The following PIP4K2A variants were observed in gnomAD, a reference collection of about 807,000 sequenced individuals.
The protein encoded by PIP4K2A is phosphatidylinositol 5-phosphate 4-kinase type-2 alpha.
PIP4K2A carries 14 observed loss-of-function variants against 42.9 expected under a neutral mutation model. The observed-to-expected ratio is 0.33, with a 90% CI of 0.22 to 0.51. PIP4K2A has a LOEUF of 0.51. Among genes scored for constraint, PIP4K2A ranks in the 20% least tolerant of loss-of-function variants. The probability of loss-of-function intolerance (pLI) is 0.97; values close to 1 mark genes in which losing one functional copy is unlikely to be tolerated. For synonymous variants in PIP4K2A, 192 were observed against 192.2 expected (o/e 1.00, Z 0.01); for missense variants, 434 against 519.8 (o/e 0.83, Z 1.61).
chr10:22,682,240 C>G (rs911362231), intron 1 of PIP4K2A, among the ~76,000 whole-genome samples: 10 of 152,336 alleles, frequency 6.6e-5, no homozygotes, highest in Admixed American at 2.0e-4. Flanking sequence ...TCAAACTGTT[C>G]TACTTAAGAG....
intron 1 of PIP4K2A, among the ~76,000 whole-genome samples, chr10:22,680,851 G>A (rs1839645812): frequency 6.6e-6 from 1 of 152,168 alleles, no homozygotes; most frequent in South Asian, 2.1e-4. Context: ...TGAAAACACT[G>A]AAAAAGTTGT....
At chr10:22,645,016 T>C (rs539483832) in intron 1 of PIP4K2A, among the ~76,000 whole-genome samples, 1 of 152,184 alleles carries the variant, frequency 6.6e-6, no homozygotes, top group Non-Finnish European at 1.5e-5. Flanking sequence ...CTTCCCCCTA[T>C]GCTGGGGACT....
intron 6 of PIP4K2A, among the ~76,000 whole-genome samples, chr10:22,551,542 T>C (rs1399288219): frequency 1.3e-5 from 2 of 152,244 alleles, no homozygotes; most frequent in Non-Finnish European, 2.9e-5. Context: ...GTAGCTTGTA[T>C]TGCAGCAAAC....
intron 4 of PIP4K2A, among the ~76,000 whole-genome samples, chr10:22,587,446 T>A (rs948415436): frequency 6.6e-6 from 1 of 152,196 alleles, no homozygotes; most frequent in Admixed American, 6.5e-5. Flanking sequence ...GAAATGATGA[T>A]CACTACTGAA....
Position 22,564,439 on chromosome 10 carries a change from C to T in PIP4K2A, c.678+3412G>A, listed in dbSNP as rs117705078. Among the ~76,000 whole-genome samples the T allele has an allele frequency of 6.2e-3, 946 of 152,302 alleles. 4 individuals carry two copies. The highest frequency in any genetic ancestry group is 0.012 in the Non-Finnish European group (787 of 68,016). ...TTGGAAGAAAGTAAAAACAGACCCACCAACATGGGGCATCATGTGACTCAG... is the reference window on the plus strand; with the variant it reads ...TTGGAAGAAAGTAAAAACAGACCCATCAACATGGGGCATCATGTGACTCAG... On this transcript the variant is annotated intron_variant, in intron 6 of 9. Coordinates refer to ENST00000376573, the MANE Select transcript of PIP4K2A (RefSeq NM_005028.5).
At chr10:22,622,137 T>C (rs184278342) in intron 1 of PIP4K2A, among the ~76,000 whole-genome samples, 97 of 152,094 alleles carry the variant, frequency 6.4e-4, no homozygotes, top group African/African-American at 2.2e-3. Flanking sequence ...GAGCAGACAA[T>C]AGAAAACGAG....
intron 6 of PIP4K2A, 71 bp downstream of exon 6, chr10:22,567,780 A>G (rs760527638): frequency 2.3e-6 from 3 of 1,288,080 alleles, no homozygotes; most frequent in Non-Finnish European, 3.4e-6. Flanking sequence ...ACTAGAAATA[A>G]AGAGTAAAGG....
intron 4 of PIP4K2A, among the ~76,000 whole-genome samples, chr10:22,578,268 G>C (rs1369814479): frequency 6.6e-6 from 1 of 152,160 alleles, no homozygotes; most frequent in Non-Finnish European, 1.5e-5. Context: ...TGGCAGAGCT[G>C]TCTACGCTTA....
chr10:22,598,058 T>C (rs1003407817), intron 3 of PIP4K2A, among the ~76,000 whole-genome samples: 2 of 152,174 alleles, frequency 1.3e-5, no homozygotes, highest in African/African-American at 4.8e-5. Context: ...AGTGACATTA[T>C]TTAAATTCAA....
At chr10:22,690,548 C>G (rs190431396) in intron 1 of PIP4K2A, among the ~76,000 whole-genome samples, 1 of 150,584 alleles carries the variant, frequency 6.6e-6, no homozygotes. Context: ...GTAACAAAAA[C>G]CCAACATATC....
At chr10:22,696,924 C>T (rs1013349027) in intron 1 of PIP4K2A, among the ~76,000 whole-genome samples, 15 of 152,038 alleles carry the variant, frequency 9.9e-5, no homozygotes, top group Non-Finnish European at 2.2e-4. Flanking sequence ...AATTTTAAAG[C>T]CTGAATTCAT....
intron 1 of PIP4K2A, among the ~76,000 whole-genome samples, chr10:22,712,198 G>C (rs186370950): frequency 6.6e-6 from 1 of 152,304 alleles, no homozygotes; most frequent in Admixed American, 6.5e-5. Context: ...AAACACTTAA[G>C]TAGTTTCAAA....
intron 1 of PIP4K2A, among the ~76,000 whole-genome samples, chr10:22,670,846 T>G (rs962108010): frequency 2.0e-5 from 3 of 152,164 alleles, no homozygotes; most frequent in Non-Finnish European, 4.4e-5. Context: ...TAGCTTTTTT[T>G]AAAAAACGGC....
At position 22,697,607 on chromosome 10, in the gene PIP4K2A, C is replaced by G. The variant is rs184739083; in HGVS notation, c.144+16576G>C. Among the ~76,000 whole-genome samples, 374 of 152,202 alleles carry G rather than the reference C, an allele frequency of 2.5e-3. 2 individuals are homozygous for G. The highest frequency in any genetic ancestry group is 8.0e-3 in the African/African-American group (334 of 41,534). On this transcript the variant is annotated intron_variant, in intron 1 of 9. Transcript: ENST00000376573. ...GGGTATGGTGGCACACAACTATAGTCCCAGCTATTACAGGAGGCTGAAGCA... is the reference window on the plus strand; with the variant it reads ...GGGTATGGTGGCACACAACTATAGTGCCAGCTATTACAGGAGGCTGAAGCA...
intron 9 of PIP4K2A, among the ~76,000 whole-genome samples, chr10:22,538,482 A>G (rs9783154): frequency 9.2e-5 from 14 of 152,090 alleles, no homozygotes; most frequent in Admixed American, 9.2e-4. Flanking sequence ...AAACCCCATC[A>G]GCAAGGCAGT....
chr10:22,694,193 C>T (rs1839925675), intron 1 of PIP4K2A: 1 of 152,070 alleles, frequency 6.6e-6, no homozygotes, highest in South Asian at 2.1e-4. Flanking sequence ...GAGGGGTAAG[C>T]AAGACAATCT....
chr10:22,584,214 T>C (rs767367724), intron 4 of PIP4K2A, among the ~76,000 whole-genome samples: 2 of 151,956 alleles, frequency 1.3e-5, no homozygotes, highest in African/African-American at 4.8e-5. Context: ...AAACAAAGGA[T>C]GCAATTTCAG....
intron 4 of PIP4K2A, among the ~76,000 whole-genome samples, chr10:22,588,553 C>T (rs1249821749): frequency 6.6e-6 from 1 of 152,030 alleles, no homozygotes. Flanking sequence ...TTCTTTTTTT[C>T]ATTTATTCTA....
chr10:22,653,558 G>T (rs1839035972), intron 1 of PIP4K2A, among the ~76,000 whole-genome samples: 1 of 152,206 alleles, frequency 6.6e-6, no homozygotes, highest in African/African-American at 2.4e-5. Flanking sequence ...AAGAAAGGAG[G>T]TAGGGCCCTG....
Sources: allele counts gnomAD v4.1 joint callset (sites outside exome capture counted in the v4.1 genomes callset), GRCh38; gene constraint gnomAD v4.1.1; transcripts MANE v1.5; gene names NCBI Gene and HGNC (gene_info 2026-07-23, HGNC 2026-07-21).